Variants in PBK observed in about 807,000 individuals in gnomAD.
PBK encodes lymphokine-activated killer T-cell-originated protein kinase.
PBK carries 22 observed loss-of-function variants against 33.5 expected under a neutral mutation model. That is an observed-to-expected ratio of 0.66 (90% CI 0.47 to 0.94). The LOEUF (loss-of-function observed/expected upper bound fraction) is 0.94. Ranked by LOEUF, PBK falls within the 40% of genes least tolerant of loss-of-function variation. The probability of loss-of-function intolerance (pLI) is 0.00; values close to 1 mark genes in which losing one functional copy is unlikely to be tolerated. For missense variants in PBK, 376 were observed against 383.4 expected (o/e 0.98, Z 0.16); for synonymous variants, 129 against 123.8 (o/e 1.04, Z -0.28).
intron 4 of PBK, 65 bp downstream of exon 4, chr8:27,822,998 G>A: frequency 1.0e-5 from 10 of 984,812 alleles, no homozygotes; most frequent in Non-Finnish European, 1.4e-5. Flanking sequence ...AGTTAAGAGA[G>A]CATATAAGCT....
In PBK at chr8:27,822,559, G is replaced by A. The variant is rs111722078; in HGVS notation, c.296-71C>T. 2,641 of 1,022,112 alleles carry A rather than the reference G, an allele frequency of 2.6e-3. 33 individuals are homozygous for A. In the African/African-American group the frequency reaches 0.034, roughly 13 times the overall value. 63.3% of individuals were successfully genotyped at this position (1,022,112 alleles called of 1,614,324 possible). On this transcript the variant is annotated intron_variant, in intron 4 of 7. Coordinates refer to ENST00000301905, the MANE Select transcript of PBK (RefSeq NM_018492.4). ...TAATATTTAAGTCCTTTATAGTAAC[G>A]TGATTGAAAATATGGATCTGGACTA...
At chr8:27,824,567 T>C (rs958145424) in intron 3 of PBK, among the ~76,000 whole-genome samples, 1 of 152,114 alleles carries the variant, frequency 6.6e-6, no homozygotes, top group Non-Finnish European at 1.5e-5. Flanking sequence ...TAGAAAAATC[T>C]AAGAAAACTG....
chr8:27,814,989 C>T (rs1805782694), intron 6 of PBK, among the ~76,000 whole-genome samples: 1 of 152,108 alleles, frequency 6.6e-6, no homozygotes, highest in Non-Finnish European at 1.5e-5. Context: ...TGAAAATTTT[C>T]AGTATTTGAT....
intron 1 of PBK, among the ~76,000 whole-genome samples, chr8:27,834,106 C>T (rs1480578468): frequency 6.6e-6 from 1 of 151,482 alleles, no homozygotes; most frequent in Non-Finnish European, 1.5e-5. Context: ...CGACTCACTG[C>T]AACCTCTGCC....
At chr8:27,812,913 A>T (rs1805722029) in intron 6 of PBK, among the ~76,000 whole-genome samples, 1 of 152,186 alleles carries the variant, frequency 6.6e-6, no homozygotes, top group South Asian at 2.1e-4. Context: ...ACAGTGTGGC[A>T]ATCCCTCAAG....
Position 27,810,975 on chromosome 8 carries a change from T to C in PBK, c.755A>G (p.Asn252Ser), listed in dbSNP as rs1805668010. Reference protein sequence around the residue: ...TLSIPHINLSNDDDDEDKTFD... With the variant: ...TLSIPHINLSSDDDDEDKTFD... Reference sequence around the variant, plus strand: ...ATTCATACCTTCATCATCATCATCATTTGAAAGATTAATGTGTGGAATCGA... The same window carrying C: ...ATTCATACCTTCATCATCATCATCACTTGAAAGATTAATGTGTGGAATCGA... The change falls in exon 7 of 8, where the codon AAT becomes AGT. Residue 252 changes from asparagine to serine, a missense_variant. Physicochemically the swap from Asn to Ser is conservative, Grantham distance 46. Coordinates refer to ENST00000301905, the MANE Select transcript of PBK (RefSeq NM_018492.4). 4 of 1,598,874 alleles carry C rather than the reference T, an allele frequency of 2.5e-6. No homozygotes were observed. The highest frequency in any genetic ancestry group is 1.1e-5 in the South Asian group (1 of 90,752).
intron 6 of PBK, among the ~76,000 whole-genome samples, chr8:27,812,917 C>A (rs1329670097): frequency 6.6e-6 from 1 of 152,160 alleles, no homozygotes; most frequent in African/African-American, 2.4e-5. Context: ...TGTGGCAATC[C>A]CTCAAGGATC....
At chr8:27,829,936 C>T (rs564020029) in intron 2 of PBK, among the ~76,000 whole-genome samples, 11 of 151,756 alleles carry the variant, frequency 7.2e-5, no homozygotes, top group Non-Finnish European at 1.5e-4. Context: ...AGAGTGGTGG[C>T]TCACGCCTGT....
At chr8:27,829,248 A>G (rs994152988) in intron 2 of PBK, among the ~76,000 whole-genome samples, 2 of 152,218 alleles carry the variant, frequency 1.3e-5, no homozygotes, top group African/African-American at 4.8e-5. Flanking sequence ...CAATTACCAG[A>G]GATCATACAA....
intron 6 of PBK, among the ~76,000 whole-genome samples, chr8:27,814,932 A>C (rs10503816): frequency 5.3e-5 from 8 of 152,274 alleles, no homozygotes; most frequent in African/African-American, 1.9e-4. Context: ...AAACTCTTAC[A>C]GACAGAATAT....
intron 2 of PBK, among the ~76,000 whole-genome samples, chr8:27,831,521 A>G (rs1221066945): frequency 1.8e-5 from 2 of 109,640 alleles, no homozygotes; most frequent in African/African-American, 4.3e-5. Flanking sequence ...TATAAAAAGT[A>G]TACAGAATAT....
intron 6 of PBK, among the ~76,000 whole-genome samples, chr8:27,814,033 A>T (rs1211723707): frequency 6.6e-6 from 1 of 152,154 alleles, no homozygotes; most frequent in Admixed American, 6.5e-5. Context: ...ATGTCCTACA[A>T]TGTGTCAGGT....
intron 3 of PBK, among the ~76,000 whole-genome samples, chr8:27,826,180 T>G (rs1316392389): frequency 6.6e-6 from 1 of 152,106 alleles, no homozygotes; most frequent in East Asian, 1.9e-4. Context: ...AAAAACAATG[T>G]CAGTGACTGA....
At chr8:27,833,366 AGGCGTGGTGGCGCATGC>A (rs1347366773) in intron 1 of PBK, among the ~76,000 whole-genome samples, 1 of 152,118 alleles carries the variant, frequency 6.6e-6, no homozygotes, top group African/African-American at 2.4e-5. Context: ...AAAATCAGCC[AGGCGTGGTGGCGCATGC>A]GTGTAATCCC....
chr8:27,810,950 A>G lies in PBK; in HGVS notation c.772+8T>C. ...GATTGGGATTTATGTTAGAAATTGT[A>G]TTCATACCTTCATCATCATCATCAT... On this transcript the variant is annotated splice_region_variant and intron_variant, in intron 7 of 7. Transcript: ENST00000301905. The G allele has an allele frequency of 6.7e-7, 1 of 1,486,130 alleles. No individual in the cohort carries two copies. Among genetic ancestry groups the G allele is most frequent in the Non-Finnish European group, 9.4e-7 (1 of 1,065,014 alleles). 92.1% of individuals were successfully genotyped at this position (1,486,130 alleles called of 1,614,324 possible). A position where few individuals can be genotyped will look rare whatever the true frequency, so the allele number is the denominator to read the frequency against.
rs576405873 is a variant in PBK, at chr8:27,825,749, ATAAT to A, written c.152+2352_152+2355del. Among the ~76,000 whole-genome samples the A allele has an allele frequency of 4.9e-4, 75 of 152,314 alleles. No homozygotes were observed. The East Asian group carries it at 0.011, about 22-fold the overall frequency. ...GACTAAAGATGCTATTTTTAAAAAG[ATAAT>A]TAATTAAAAACAAGATAAAAACTCA... On this transcript the variant is annotated intron_variant, in intron 3 of 7. Coordinates refer to ENST00000301905, the MANE Select transcript of PBK (RefSeq NM_018492.4).
Position 27,811,008 on chromosome 8 carries a change from A to G in PBK, c.722T>C (p.Met241Thr). 1 of 1,612,694 alleles carries G rather than the reference A, an allele frequency of 6.2e-7. No individual in the cohort carries two copies. The highest frequency in any genetic ancestry group is 1.3e-5 in the African/African-American group (1 of 75,036). The change falls in exon 7 of 8, where the codon ATG becomes ACG. Residue 241 changes from methionine to threonine, a missense_variant. Coordinates refer to ENST00000301905, the MANE Select transcript of PBK (RefSeq NM_018492.4). The stretch of plus-strand genomic sequence containing the variant: ...ATTAATGTGTGGAATCGATAAAGTC[A>G]TCATTTCCCACAAAGTAAGGCCAAA... ...FAFGLTLWEM[M>T]TLSIPHINLS...
chr8:27,837,604 TCCGGGCTCGGCC>T (rs1231861727), intron 1 of PBK, 36 bp downstream of exon 1: 2 of 152,062 alleles, frequency 1.3e-5, no homozygotes, highest in Non-Finnish European at 2.9e-5. Context: ...AGGCCTCGGC[TCCGGGCTCGGCC>T]CCCGCCAGGG....
intron 1 of PBK, among the ~76,000 whole-genome samples, chr8:27,835,419 T>C (rs1346870479): frequency 6.6e-6 from 1 of 152,176 alleles, no homozygotes; most frequent in East Asian, 1.9e-4. Flanking sequence ...GGATAAACTA[T>C]TTAGCAGAGT....
Sources: allele counts gnomAD v4.1 joint callset (sites outside exome capture counted in the v4.1 genomes callset), GRCh38; gene constraint gnomAD v4.1.1; transcripts MANE v1.5; gene names NCBI Gene and HGNC (gene_info 2026-07-23, HGNC 2026-07-21).